Variants in EMCN observed in about 807,000 individuals in gnomAD.
The protein encoded by EMCN is MUC-14.
Under a neutral mutation model 38.4 loss-of-function variants are expected in EMCN, and 37 were observed. The observed-to-expected ratio is 0.96, with a 90% CI of 0.74 to 1.27. EMCN has a LOEUF of 1.27. Ranked by LOEUF, EMCN falls within the 50% of genes most tolerant of loss-of-function variation. The pLI is 0.00. For missense variants in EMCN, 318 were observed against 302.8 expected, an observed-to-expected ratio of 1.05 and a Z score of -0.37; for synonymous variants, 95 against 100.8, an observed-to-expected ratio of 0.94 and a Z score of 0.35.
intron 1 of EMCN, among the ~76,000 whole-genome samples, chr4:100,498,804 C>T (rs1001978716): frequency 2.0e-5 from 3 of 152,206 alleles, no homozygotes; most frequent in East Asian, 1.9e-4. Flanking sequence ...ATTCATTTAA[C>T]ACAGATAATT....
chr4:100,515,764 C>CT (rs1306248516), intron 1 of EMCN, among the ~76,000 whole-genome samples: 1 of 151,944 alleles, frequency 6.6e-6, no homozygotes, highest in Non-Finnish European at 1.5e-5. Context: ...GTATCTGGAA[C>CT]TAGGGGTTAA....
At chr4:100,475,521 A>G (rs1728612049) in intron 2 of EMCN, among the ~76,000 whole-genome samples, 1 of 151,874 alleles carries the variant, frequency 6.6e-6, no homozygotes. Context: ...TTCTAGAATT[A>G]CATTTCATTT....
intron 11 of EMCN, among the ~76,000 whole-genome samples, chr4:100,401,266 C>T (rs1176081508): frequency 2.0e-5 from 3 of 152,018 alleles, no homozygotes; most frequent in Non-Finnish European, 4.4e-5. Context: ...TATTCAAAAA[C>T]AGTAAAAATG....
intron 7 of EMCN, among the ~76,000 whole-genome samples, chr4:100,422,728 C>A (rs1174132124): frequency 1.3e-5 from 2 of 151,670 alleles, no homozygotes; most frequent in Non-Finnish European, 2.9e-5. Context: ...CATCCTTGGC[C>A]CTTGATCGTA....
intron 4 of EMCN, among the ~76,000 whole-genome samples, chr4:100,448,809 T>A (rs1476548167): frequency 7.1e-6 from 1 of 140,880 alleles, no homozygotes; most frequent in Non-Finnish European, 1.5e-5. Context: ...CCTTCCTTCC[T>A]TCCTTCCTTC....
intron 11 of EMCN, among the ~76,000 whole-genome samples, chr4:100,403,747 CTTTTT>C (rs1180850319): frequency 2.6e-5 from 4 of 151,982 alleles, no homozygotes; most frequent in Non-Finnish European, 1.5e-5. Flanking sequence ...GACTTCTTGA[CTTTTT>C]AATGGTCACC....
chr4:100,455,113 T>C (rs1727973460), intron 4 of EMCN, among the ~76,000 whole-genome samples: 1 of 152,090 alleles, frequency 6.6e-6, no homozygotes. Context: ...CTCTGTTTCT[T>C]TTTTTCTTGT....
intron 1 of EMCN, among the ~76,000 whole-genome samples, chr4:100,494,654 T>C (rs1309193439): frequency 6.6e-6 from 1 of 152,094 alleles, no homozygotes; most frequent in African/African-American, 2.4e-5. Flanking sequence ...ATTATCTAAG[T>C]ACACATGGTC....
chr4:100,422,979 T>C (rs1431306636), intron 7 of EMCN, 42 bp downstream of exon 7: 3 of 1,589,522 alleles, frequency 1.9e-6, no homozygotes, highest in Non-Finnish European at 2.6e-6. Flanking sequence ...TCAAACATTC[T>C]GCATATCTAC....
At chr4:100,482,391 G>A (rs968673450) in intron 1 of EMCN, among the ~76,000 whole-genome samples, 2 of 151,998 alleles carry the variant, frequency 1.3e-5, no homozygotes, top group Non-Finnish European at 2.9e-5. Context: ...TTTGAAAGCT[G>A]CTGGACAAAC....
At chr4:100,440,293 A>G (rs953294466) in intron 5 of EMCN, among the ~76,000 whole-genome samples, 3 of 151,910 alleles carry the variant, frequency 2.0e-5, no homozygotes, top group Non-Finnish European at 4.4e-5. Context: ...TGTTACATGG[A>G]TGAATTATAT....
intron 10 of EMCN, among the ~76,000 whole-genome samples, 173 bp from the exon 11 acceptor site, chr4:100,410,528 T>C (rs1035241092): frequency 6.6e-6 from 1 of 152,272 alleles, no homozygotes; most frequent in East Asian, 1.9e-4. Context: ...CCAAAATATA[T>C]GAACTTTTCC....
At chr4:100,493,197 G>T (rs1729130035) in intron 1 of EMCN, among the ~76,000 whole-genome samples, 1 of 152,134 alleles carries the variant, frequency 6.6e-6, no homozygotes, top group African/African-American at 2.4e-5. Context: ...AAAATCTTTT[G>T]AATGAAAACT....
At chr4:100,398,845 T>C (rs980453475) in intron 11 of EMCN, among the ~76,000 whole-genome samples, 5 of 152,182 alleles carry the variant, frequency 3.3e-5, no homozygotes, top group Non-Finnish European at 7.3e-5. Flanking sequence ...CAATAGCCTC[T>C]GACTTCTCTG....
At chr4:100,429,225 T>C (rs1222924100) in intron 5 of EMCN, among the ~76,000 whole-genome samples, 1 of 152,116 alleles carries the variant, frequency 6.6e-6, no homozygotes, top group African/African-American at 2.4e-5. Context: ...CTCTGGGCTG[T>C]TATTATTGGA....
chr4:100,486,420 G>T (rs953227384), intron 1 of EMCN, among the ~76,000 whole-genome samples: 1 of 152,158 alleles, frequency 6.6e-6, no homozygotes, highest in Non-Finnish European at 1.5e-5. Context: ...AAACATCAGA[G>T]CTAGGGGCAA....
intron 11 of EMCN, among the ~76,000 whole-genome samples, chr4:100,408,339 C>T (rs1199485776): frequency 2.6e-5 from 4 of 152,128 alleles, no homozygotes; most frequent in African/African-American, 9.7e-5. Flanking sequence ...TTCTTTCTCA[C>T]CTATGTGGAC....
chr4:100,478,404 T>C (rs898818800), intron 2 of EMCN, among the ~76,000 whole-genome samples: 1 of 152,218 alleles, frequency 6.6e-6, no homozygotes, highest in African/African-American at 2.4e-5. Flanking sequence ...TAAAGTATTG[T>C]TATTTATTTG....
rs150428600 is a variant in EMCN at position 100,460,992 on chromosome 4, T to C, written c.376+4431A>G. Among the ~76,000 whole-genome samples the C allele has an allele frequency of 1.1e-4, 16 of 152,274 alleles. No homozygotes were observed. In the East Asian group the frequency reaches 3.1e-3, roughly 29 times the overall value. ...TCTCAACTCTCCATCACATTGTGTA[T>C]CCAATTAGAATAAAATTCACTGTCC... On this transcript the variant is annotated intron_variant, in intron 4 of 11. Coordinates refer to ENST00000296420, the MANE Select transcript of EMCN (RefSeq NM_016242.4).
Sources: gnomAD v4.1 joint callset for allele counts (sites outside exome capture counted in the v4.1 genomes callset) on GRCh38, gnomAD v4.1.1 for gene constraint, MANE v1.5 for transcripts, NCBI Gene and HGNC (gene_info 2026-07-23, HGNC 2026-07-21) for gene names.